The following GAB2 variants were observed in gnomAD, a reference collection of about 807,000 sequenced individuals.
The protein encoded by GAB2 is GRB2 associated binding protein 2, also known as GRB2-associated-binding protein 2.
Under a neutral mutation model 65.5 loss-of-function variants are expected in GAB2, and 26 were observed. The observed-to-expected ratio is 0.40, with a 90% confidence interval of 0.29 to 0.55. GAB2 has a LOEUF of 0.55. Among genes scored for constraint, GAB2 ranks in the 20% least tolerant of loss-of-function variants. The pLI is 0.53. For synonymous variants in GAB2, 321 were observed against 329.6 expected (o/e 0.97, Z 0.28); for missense variants, 884 against 875.8 (o/e 1.01, Z -0.12).
chr11:78,407,750 A>AAGAAAGAAAGAAAGAAAGAGAG (rs1354070400), intron 1 of GAB2, among the ~76,000 whole-genome samples: 1 of 134,878 alleles, frequency 7.4e-6, no homozygotes, highest in East Asian at 2.7e-4. Flanking sequence ...AAGAAAGAAA[A>AAGAAAGAAAGAAAGAAAGAGAG]AGAAAGAAAG....
At chr11:78,274,437 A>G (rs981059018) in intron 2 of GAB2, among the ~76,000 whole-genome samples, 3 of 152,172 alleles carry the variant, frequency 2.0e-5, no homozygotes, top group Non-Finnish European at 4.4e-5. Context: ...ACAGAAAACA[A>G]TGTGAATAGT....
chr11:78,242,727 A>AG (rs147772581), intron 3 of GAB2, among the ~76,000 whole-genome samples: 5 of 152,334 alleles, frequency 3.3e-5, no homozygotes, highest in Middle Eastern at 6.8e-3. Context: ...AATTAGTAAA[A>AG]GGGGAAAAAA....
intron 1 of GAB2, among the ~76,000 whole-genome samples, chr11:78,309,971 T>TGTGTGTGCGCGCGCGCGC (rs1421836447): frequency 1.7e-5 from 2 of 120,196 alleles, no homozygotes; most frequent in African/African-American, 7.1e-5. Flanking sequence ...TGTGTGTGTG[T>TGTGTGTGCGCGCGCGCGC]GCGCGCGCGC....
At chr11:78,274,246 CAGAG>C (rs1322754531) in intron 2 of GAB2, among the ~76,000 whole-genome samples, 1 of 151,846 alleles carries the variant, frequency 6.6e-6, no homozygotes, top group Non-Finnish European at 1.5e-5. Flanking sequence ...CACAGACAGA[CAGAG>C]AGACAAATGA....
intron 9 of GAB2, among the ~76,000 whole-genome samples, chr11:78,219,727 C>T (rs547249939): frequency 2.0e-4 from 30 of 152,276 alleles, no homozygotes; most frequent in African/African-American, 7.2e-4. Flanking sequence ...CTGCCTCCAC[C>T]CATCTCTGTC....
intron 1 of GAB2, among the ~76,000 whole-genome samples, chr11:78,371,478 G>A (rs966463085): frequency 6.6e-6 from 1 of 152,134 alleles, no homozygotes; most frequent in African/African-American, 2.4e-5. Flanking sequence ...TACATAAGAG[G>A]GGCTGATTCT....
chr11:78,245,295 A>G (rs968793044), intron 3 of GAB2, among the ~76,000 whole-genome samples: 1 of 151,814 alleles, frequency 6.6e-6, no homozygotes, highest in Non-Finnish European at 1.5e-5. Context: ...TGATATATTT[A>G]TGCTATGTAT....
rs2848984 is a variant in GAB2, at chr11:78,221,681, G to T, written c.1757C>A (p.Pro586His). Reference sequence around the variant, plus strand: ...AGCGAAGCCCGAAGGACTCACCATAGGGACATAGTTCTCTTCGCTGTCTCC... The same window carrying T: ...AGCGAAGCCCGAAGGACTCACCATATGGACATAGTTCTCTTCGCTGTCTCC... ...DSGDSEENYV[P>H]MQNPVSASPV... The change falls in exon 8 of 10, where the codon CCT (proline) becomes CAT (histidine). Residue 586 changes from proline (P) to histidine (H), a missense_variant. By Grantham distance (77) the Pro-to-His change is moderately conservative. Coordinates refer to ENST00000361507, the MANE Select transcript of GAB2 (RefSeq NM_080491.3). The T allele has an allele frequency of 1.2e-6, 2 of 1,605,786 alleles. No homozygotes were observed. Among genetic ancestry groups the T allele is most frequent in the Non-Finnish European group, 1.7e-6 (2 of 1,172,848 alleles).
At chr11:78,296,840 A>G (rs1026763062) in intron 1 of GAB2, among the ~76,000 whole-genome samples, 8 of 152,222 alleles carry the variant, frequency 5.3e-5, no homozygotes, top group African/African-American at 1.9e-4. Flanking sequence ...TGGAGGCTGG[A>G]AAGTCCAGGA....
intron 1 of GAB2, among the ~76,000 whole-genome samples, chr11:78,385,516 A>C (rs1388516276): frequency 5.3e-5 from 8 of 152,226 alleles, no homozygotes; most frequent in Non-Finnish European, 1.2e-4. Context: ...ACAAATCTAC[A>C]AACACACCAA....
chr11:78,275,448 CTGAA>C (rs760265160), intron 2 of GAB2, among the ~76,000 whole-genome samples: 61 of 151,832 alleles, frequency 4.0e-4, no homozygotes, highest in South Asian at 4.1e-4. Context: ...AAAAAAAACA[CTGAA>C]TGAATTATTA....
intron 3 of GAB2, among the ~76,000 whole-genome samples, chr11:78,238,321 T>C (rs1590955691): frequency 6.7e-6 from 1 of 148,272 alleles, no homozygotes; most frequent in East Asian, 2.0e-4. Context: ...CGAGACAACA[T>C]AGCGAGACCA....
intron 3 of GAB2, among the ~76,000 whole-genome samples, chr11:78,229,604 A>T (rs1402311949): frequency 6.6e-6 from 1 of 152,300 alleles, no homozygotes; most frequent in South Asian, 2.1e-4. Context: ...GGCCTCTCTG[A>T]TCCTTCCATC....
rs564742801 is a variant in GAB2, at chr11:78,215,451, T to TAAAAA, written c.*3816_*3820dup. ...CCCACCGGATAAATATGTTACAATT[T>TAAAAA]AAAAAAAAGAATACAACAGAATAAA... On this transcript the variant is annotated 3_prime_UTR_variant, in exon 10 of 10. Coordinates refer to ENST00000361507, the MANE Select transcript of GAB2 (RefSeq NM_080491.3). 2 of 152,316 alleles carry TAAAAA rather than the reference T, an allele frequency of 1.3e-5. No individual in the cohort carries two copies. The highest frequency in any genetic ancestry group is 2.4e-5 in the African/African-American group (1 of 41,316). The allele number at this position is 152,316 out of a possible 1,614,324, so 9.4% of individuals were successfully genotyped here.
intron 4 of GAB2, among the ~76,000 whole-genome samples, chr11:78,225,563 T>C (rs1864613020): frequency 6.6e-6 from 1 of 152,214 alleles, no homozygotes; most frequent in South Asian, 2.1e-4. Context: ...GGTTTTATTT[T>C]CCCAATGAGA....
At chr11:78,415,701 T>C (rs1461952382) in intron 1 of GAB2, among the ~76,000 whole-genome samples, 2 of 152,210 alleles carry the variant, frequency 1.3e-5, no homozygotes, top group South Asian at 2.1e-4. Context: ...ATCATACGAC[T>C]AGATTCGTTC....
chr11:78,383,279 GA>G (rs1361626862), intron 1 of GAB2, among the ~76,000 whole-genome samples: 1 of 151,472 alleles, frequency 6.6e-6, no homozygotes, highest in African/African-American at 2.4e-5. Flanking sequence ...TCTCAAAAAA[GA>G]AAAAACAGAA....
intron 1 of GAB2, among the ~76,000 whole-genome samples, chr11:78,348,008 T>C (rs921818902): frequency 2.0e-5 from 3 of 152,132 alleles, no homozygotes; most frequent in Non-Finnish European, 4.4e-5. Flanking sequence ...ACAGTAAAGA[T>C]AGAGAAAAAA....
intron 1 of GAB2, among the ~76,000 whole-genome samples, chr11:78,288,198 G>A (rs1328681029): frequency 6.6e-6 from 1 of 151,260 alleles, no homozygotes; most frequent in African/African-American, 2.4e-5. Flanking sequence ...TGGCCAACAT[G>A]GTGAAATCCC....
Sources: allele counts gnomAD v4.1 joint callset (sites outside exome capture counted in the v4.1 genomes callset), GRCh38; gene constraint gnomAD v4.1.1; transcripts MANE v1.5; gene names NCBI Gene and HGNC (gene_info 2026-07-23, HGNC 2026-07-21).